L3HYPDH: variants seen among roughly 807,000 people sequenced by gnomAD.
L3HYPDH encodes trans-3-hydroxy-L-proline dehydratase.
A neutral mutation model predicts 26.5 loss-of-function variants in L3HYPDH; 32 were observed. The observed-to-expected ratio is 1.21, with a 90% CI of 0.91 to 1.62. The LOEUF (loss-of-function observed/expected upper bound fraction) is 1.62, where lower values mean the gene tolerates loss of function less well. Among genes scored for constraint, L3HYPDH ranks in the 40% most tolerant of loss-of-function variants. The pLI, the probability that L3HYPDH is intolerant of heterozygous loss-of-function variation, is 0.00. For missense variants in L3HYPDH, 554 were observed against 476.4 expected, an observed-to-expected ratio of 1.16 and a Z score of -1.52; for synonymous variants, 215 against 196.6, an observed-to-expected ratio of 1.09 and a Z score of -0.78.
intron 4 of L3HYPDH, 76 bp from the exon 5 acceptor site, chr14:59,473,166 A>G: frequency 7.3e-7 from 1 of 1,367,472 alleles, no homozygotes; most frequent in Non-Finnish European, 9.8e-7. Flanking sequence ...TGTACTCTTG[A>G]CTTTTATCAT....
upstream of L3HYPDH, chr14:59,485,094 G>T: frequency 1.3e-6 from 2 of 1,598,380 alleles, no homozygotes; most frequent in Admixed American, 1.7e-5. Flanking sequence ...TTCAACAGTC[G>T]CTTGGAGCCT....
chr14:59,484,516 T>C (rs1244282082), upstream of L3HYPDH: 4 of 1,540,612 alleles, frequency 2.6e-6, no homozygotes, highest in Non-Finnish European at 2.6e-6. Context: ...CCGAGCTCGC[T>C]GTGGCCCGGA....
chr14:59,475,549 T>C (rs1889569626), intron 4 of L3HYPDH, among the ~76,000 whole-genome samples: 1 of 152,340 alleles, frequency 6.6e-6, no homozygotes, highest in African/African-American at 2.4e-5. Flanking sequence ...ATTCAATTGG[T>C]TGGGTTATCA....
intron 4 of L3HYPDH, chr14:59,474,362 T>C: frequency 1.7e-6 from 1 of 572,010 alleles, no homozygotes; most frequent in Non-Finnish European, 3.1e-6. Flanking sequence ...GGAGGCAGGA[T>C]GGGTCTCCAC....
downstream of L3HYPDH, among the ~76,000 whole-genome samples, chr14:59,470,127 C>T (rs1176230960): frequency 6.6e-6 from 1 of 152,156 alleles, no homozygotes; most frequent in African/African-American, 2.4e-5. Flanking sequence ...CTTGTGAGCG[C>T]TATCCTTTAC....
At chr14:59,499,839 G>A in the L3HYPDH span, among the ~76,000 whole-genome samples, 2 of 152,188 alleles carry the variant, frequency 1.3e-5, no homozygotes, top group South Asian at 4.1e-4. Flanking sequence ...CACAGGATTT[G>A]AAAATCTATA....
chr14:59,471,713 C>A (rs140952586), downstream of L3HYPDH, among the ~76,000 whole-genome samples: 1 of 152,242 alleles, frequency 6.6e-6, no homozygotes, highest in African/African-American at 2.4e-5. Flanking sequence ...AATTTTTAAA[C>A]AATTTCCTTC....
At chr14:59,474,698 G>GA in intron 4 of L3HYPDH, 1 of 560,026 alleles carries the variant, frequency 1.8e-6, no homozygotes. Flanking sequence ...ATCATCTATT[G>GA]AAAAACGATA....
At chr14:59,502,263 T>C in the L3HYPDH span, among the ~76,000 whole-genome samples, 1 of 152,208 alleles carries the variant, frequency 6.6e-6, no homozygotes, top group Non-Finnish European at 1.5e-5. Flanking sequence ...GAACTCTTTG[T>C]TCTAAGGCCA....
At chr14:59,469,116 ATCAACTTCAGTTT>A (rs1441185539), downstream of L3HYPDH, among the ~76,000 whole-genome samples, 14 of 152,300 alleles carry the variant, frequency 9.2e-5, no homozygotes, top group African/African-American at 3.4e-4. Flanking sequence ...ATTGGAACAG[ATCAACTTCAGTTT>A]TCAGACCTTA....
the L3HYPDH span, chr14:59,495,294 G>A: frequency 8.1e-7 from 1 of 1,241,786 alleles, no homozygotes; most frequent in Non-Finnish European, 1.2e-6. Context: ...AGATTTTATG[G>A]CGTTTGGAGA....
At chr14:59,494,203 AAAAAT>A in the L3HYPDH span, among the ~76,000 whole-genome samples, 12 of 152,210 alleles carry the variant, frequency 7.9e-5, no homozygotes, top group East Asian at 3.9e-4. Context: ...AAGTAGAAAA[AAAAAT>A]AAAAGCCTGG....
At chr14:59,494,948 G>T in the L3HYPDH span, 4 of 1,055,808 alleles carry the variant, frequency 3.8e-6, no homozygotes, top group Non-Finnish European at 5.8e-6. Flanking sequence ...CTTGACACAT[G>T]TACATGTTTT....
intron 1 of L3HYPDH, among the ~76,000 whole-genome samples, chr14:59,481,272 T>C (rs533197207): frequency 2.2e-4 from 34 of 152,344 alleles, no homozygotes; most frequent in African/African-American, 7.9e-4. Context: ...AATTAAGATA[T>C]TTATTTCACC....
chr14:59,493,895 T>C, the L3HYPDH span, among the ~76,000 whole-genome samples: 1 of 151,966 alleles, frequency 6.6e-6, no homozygotes, highest in African/African-American at 2.4e-5. Context: ...ACACAGACAA[T>C]TATATATGAA....
chr14:59,500,382 A>T, the L3HYPDH span, among the ~76,000 whole-genome samples: 2 of 152,236 alleles, frequency 1.3e-5, no homozygotes, highest in Non-Finnish European at 2.9e-5. Context: ...GTATGAAAAA[A>T]ATTCAAAGTT....
chr14:59,472,997 C>T lies in L3HYPDH; in HGVS notation c.1033G>A (p.Asp345Asn). The stretch of plus-strand genomic sequence containing the variant: ...AGAAGAAATCCATCCCTCAATGGGT[C>T]GTCATCTTCTATTATAAAGCTTGCT... ...GTASFIIEDD[D>N]PLRDGFLLK Residue 345 changes from aspartate (D) to asparagine (N), a missense_variant, in exon 5 of 5, where the codon GAC becomes AAC. By Grantham distance (23) the Asp-to-Asn change is conservative (BLOSUM62 1). Coordinates refer to ENST00000247194, the MANE Select transcript of L3HYPDH (RefSeq NM_144581.2). The T allele has an allele frequency of 6.8e-6, 11 of 1,606,738 alleles. No homozygotes were observed. The highest frequency in any genetic ancestry group is 9.3e-6 in the Non-Finnish European group (11 of 1,177,320).
chr14:59,470,962 G>A (rs1436439783), downstream of L3HYPDH, among the ~76,000 whole-genome samples: 3 of 132,250 alleles, frequency 2.3e-5, no homozygotes, highest in African/African-American at 8.2e-5. Flanking sequence ...GGGCGGGGGG[G>A]GGGGGAGGGC....
the L3HYPDH span, chr14:59,494,891 A>C: frequency 1.5e-6 from 1 of 653,044 alleles, no homozygotes; most frequent in Non-Finnish European, 2.7e-6. Flanking sequence ...AAAAAAGGTT[A>C]TACTCGAGTA....
Sources: gnomAD v4.1 joint callset for allele counts (sites outside exome capture counted in the v4.1 genomes callset) on GRCh38, gnomAD v4.1.1 for gene constraint, MANE v1.5 for transcripts, NCBI Gene and HGNC (gene_info 2026-07-23, HGNC 2026-07-21) for gene names.